CYB5RL: variants seen among roughly 807,000 people sequenced by gnomAD.
The protein encoded by CYB5RL is NADH-cytochrome b5 reductase-like.
Under a neutral mutation model 37.5 loss-of-function variants are expected in CYB5RL, and 38 were observed. The observed-to-expected ratio is 1.01, with a 90% CI of 0.78 to 1.33. The LOEUF (loss-of-function observed/expected upper bound fraction) is 1.33. Among genes scored for constraint, CYB5RL ranks in the 40% most tolerant of loss-of-function variants. The pLI is 0.00. For synonymous variants in CYB5RL, 141 were observed against 151.9 expected, an observed-to-expected ratio of 0.93 and a Z score of 0.53; for missense variants, 388 against 394.4, an observed-to-expected ratio of 0.98 and a Z score of 0.14.
Position 54,179,329 on chromosome 1 carries a change from A to T in CYB5RL, c.564T>A (p.Ala188=), listed in dbSNP as rs750757684. ...CCATGGGGGCCAGGCCCGTGCCCGC[A>T]GCCAGCAAGAGGAGCTCACCATACT... ...PNQYGELLLL[A]AGTGLAPMVP... Residue 188 remains alanine (A), a synonymous_variant, in exon 7 of 8, where the codon GCT becomes GCA. Coordinates refer to ENST00000534324, the MANE Select transcript of CYB5RL (RefSeq NM_001031672.4). The T allele has an allele frequency of 1.2e-6, 2 of 1,613,446 alleles. No homozygotes were observed.
At position 54,171,107 on chromosome 1, in the gene CYB5RL, A is replaced by G. The variant is rs372297671; in HGVS notation, c.*3512T>C. 3.7e-5 allele frequency: 17 copies of G among 455,648 alleles called. No homozygotes were observed. The highest frequency in any genetic ancestry group is 2.4e-4 in the African/African-American group (12 of 50,018). 28.2% of individuals were successfully genotyped at this position (455,648 alleles called of 1,614,324 possible). ...CCTCTCTGCTCACTGACCAAGCTGG[A>G]GTGGAAGAGACAGGCGAGGCTCCCG... On this transcript the variant is annotated 3_prime_UTR_variant, in exon 8 of 8. Transcript: ENST00000534324.
Position 54,184,102 on chromosome 1 carries a change from G to A in CYB5RL, c.540+59C>T, listed in dbSNP as rs555139237. The A allele has an allele frequency of 3.0e-5, 45 of 1,495,432 alleles. 1 individual carries two copies. The highest frequency in any genetic ancestry group is 3.3e-5 in the Non-Finnish European group (36 of 1,092,256). 92.6% of individuals were successfully genotyped at this position (1,495,432 alleles called of 1,614,324 possible). On this transcript the variant is annotated intron_variant, in intron 6 of 7. Coordinates refer to ENST00000534324, the MANE Select transcript of CYB5RL (RefSeq NM_001031672.4). ...ATGGCACAGTGAGATGCTATGGGCC[G>A]AAACATGAAAACCACAGTCAACAGG...
intron 7 of CYB5RL, among the ~76,000 whole-genome samples, chr1:54,178,674 G>A (rs747036320): frequency 6.6e-6 from 1 of 152,202 alleles, no homozygotes; most frequent in Non-Finnish European, 1.5e-5. Context: ...GTCACTAATG[G>A]AGTCCCTGTT....
chr1:54,184,047 C>T, intron 6 of CYB5RL, 114 bp downstream of exon 6: 1 of 757,722 alleles, frequency 1.3e-6, no homozygotes, highest in South Asian at 1.9e-5. Context: ...CCCAAGGATA[C>T]ACCTGGGATT....
chr1:54,191,030 T>C lies in CYB5RL; in HGVS notation c.199-134A>G. The C allele has an allele frequency of 1.0e-5, 12 of 1,185,294 alleles. No individual in the cohort carries two copies. The South Asian group carries it at 1.9e-4, about 19-fold the overall frequency. The allele number at this position is 1,185,294 out of a possible 1,614,324, so 73.4% of individuals were successfully genotyped here. On this transcript the variant is annotated intron_variant, in intron 3 of 7. Coordinates refer to ENST00000534324, the MANE Select transcript of CYB5RL (RefSeq NM_001031672.4). The stretch of plus-strand genomic sequence containing the variant: ...GTTTCCTGTAAACTGGACACTAGCC[T>C]CACCTTACTTCCCTTTCAAAATTGG...
intron 1 of CYB5RL, among the ~76,000 whole-genome samples, chr1:54,197,848 C>G (rs1175593961): frequency 1.3e-5 from 2 of 151,634 alleles, no homozygotes; most frequent in Non-Finnish European, 2.9e-5. Context: ...GGTGAAACCC[C>G]GTCTCTGCTA....
chr1:54,179,856 C>CCGG (rs1660113156), intron 6 of CYB5RL: 2 of 433,880 alleles, frequency 4.6e-6, no homozygotes, highest in Non-Finnish European at 9.2e-6. Context: ...TCTCAAGGGC[C>CCGG]CACCTTGGAC....
chr1:54,195,608 A>T lies in CYB5RL; in HGVS notation c.9T>A (p.Ala3=). ...CAGTGTCGTCGTCCTCTTCCCTCTC[A>T]GCCATCATCAGTGGGGCTTGGGCAG... MM[A]EREEDDDTEE... Residue 3 remains alanine, a synonymous_variant, in exon 3 of 8, where the codon GCT becomes GCA. Transcript: ENST00000534324. 1 of 1,608,286 alleles carries T rather than the reference A, an allele frequency of 6.2e-7. No homozygotes were observed. Among genetic ancestry groups the T allele is most frequent in the South Asian group, 1.1e-5 (1 of 90,294 alleles).
At chr1:54,190,694 G>A in intron 4 of CYB5RL, 54 bp downstream of exon 4, 2 of 1,549,712 alleles carry the variant, frequency 1.3e-6, no homozygotes, top group South Asian at 1.2e-5. Flanking sequence ...CCAGCAGCTA[G>A]CAAATAGCAA....
intron 6 of CYB5RL, among the ~76,000 whole-genome samples, chr1:54,181,248 T>A (rs61775224): frequency 0.074 from 11,223 of 152,190 alleles, 589 homozygotes; most frequent in South Asian, 0.11. Flanking sequence ...TTTCTTTGTG[T>A]TTCCACAGCT....
rs977352107 is a variant in CYB5RL, at chr1:54,173,239, G to A, written c.*1380C>T. On this transcript the variant is annotated 3_prime_UTR_variant, in exon 8 of 8. Coordinates refer to ENST00000534324, the MANE Select transcript of CYB5RL (RefSeq NM_001031672.4). ...GAGATTTGTTGCCATTTTTTTTAGTGGCTAGGAAAATCCTTTTGTACAAAT... is the reference window on the plus strand; with the variant it reads ...GAGATTTGTTGCCATTTTTTTTAGTAGCTAGGAAAATCCTTTTGTACAAAT... 5.9e-5 allele frequency: 9 copies of A among 152,096 alleles called. No homozygotes were observed. The highest frequency in any genetic ancestry group is 2.2e-4 in the African/African-American group (9 of 41,402). The allele number at this position is 152,096 out of a possible 1,614,324, so 9.4% of individuals were successfully genotyped here.
intron 6 of CYB5RL, among the ~76,000 whole-genome samples, chr1:54,181,474 T>C (rs1660159041): frequency 1.3e-5 from 2 of 152,232 alleles, no homozygotes; most frequent in African/African-American, 2.4e-5. Flanking sequence ...TCAGGGCTGA[T>C]GTAATATCCA....
chr1:54,188,279 A>G (rs547584034), intron 4 of CYB5RL, among the ~76,000 whole-genome samples: 1 of 152,344 alleles, frequency 6.6e-6, no homozygotes, highest in Non-Finnish European at 1.5e-5. Context: ...AGCTATCTGC[A>G]TTCCAGTTGT....
chr1:54,189,724 C>T lies in CYB5RL; in HGVS notation c.347+1024G>A, dbSNP rs1237410409. On this transcript the variant is annotated intron_variant, in intron 4 of 7. Coordinates refer to ENST00000534324, the MANE Select transcript of CYB5RL (RefSeq NM_001031672.4). The stretch of plus-strand genomic sequence containing the variant: ...ATGGAAGGATGCCTGGGGCCATGAC[C>T]TGCCCTGTGGCCCCTCCTGCCCACT... Among the ~76,000 whole-genome samples the T allele has an allele frequency of 2.0e-5, 3 of 152,154 alleles. No homozygotes were observed. The South Asian group carries it at 6.2e-4, about 31-fold the overall frequency.
chr1:54,175,713 T>C (rs1418063717), intron 7 of CYB5RL: 2 of 425,768 alleles, frequency 4.7e-6, no homozygotes, highest in East Asian at 7.1e-5. Flanking sequence ...AATATAGCAA[T>C]AGAAACACAC....
intron 3 of CYB5RL, among the ~76,000 whole-genome samples, chr1:54,191,695 G>A (rs1467064334): frequency 6.6e-6 from 1 of 152,220 alleles, no homozygotes; most frequent in African/African-American, 2.4e-5. Flanking sequence ...AGTTACCCAT[G>A]GTAGTGCTGA....
At chr1:54,192,866 T>C (rs1019986985) in intron 3 of CYB5RL, among the ~76,000 whole-genome samples, 1 of 152,112 alleles carries the variant, frequency 6.6e-6, no homozygotes, top group Non-Finnish European at 1.5e-5. Flanking sequence ...ACAATTCTCA[T>C]GCCTCAGCCT....
rs922758320 is a variant in CYB5RL at position 54,173,838 on chromosome 1, C to G, written c.*781G>C. 2 of 152,546 alleles carry G rather than the reference C, an allele frequency of 1.3e-5. No homozygotes were observed. Among genetic ancestry groups the G allele is most frequent in the African/African-American group, 4.8e-5 (2 of 41,398 alleles). 9.4% of individuals were successfully genotyped at this position (152,546 alleles called of 1,614,324 possible). On this transcript the variant is annotated 3_prime_UTR_variant, in exon 8 of 8. Coordinates refer to ENST00000534324, the MANE Select transcript of CYB5RL (RefSeq NM_001031672.4). ...CAGTGGGACAAGCTGGGAGAGGGAC[C>G]CAGGTCTCCTGACTCCTGCTCTATC...
intron 1 of CYB5RL, among the ~76,000 whole-genome samples, chr1:54,197,032 G>T (rs923878712): frequency 5.9e-5 from 9 of 152,248 alleles, no homozygotes; most frequent in Admixed American, 4.6e-4. Context: ...TTGGGTTTTG[G>T]GTAGACAGAA....
Sources: allele counts gnomAD v4.1 joint callset (sites outside exome capture counted in the v4.1 genomes callset), GRCh38; gene constraint gnomAD v4.1.1; transcripts MANE v1.5; gene names NCBI Gene and HGNC (gene_info 2026-07-23, HGNC 2026-07-21).